WDR64: variants seen among roughly 807,000 people sequenced by gnomAD.
The protein encoded by WDR64 is WD repeat-containing protein 64.
In WDR64, 112 loss-of-function variants were observed where a neutral mutation model predicts 139.3. The observed-to-expected ratio is 0.80, with a 90% CI of 0.69 to 0.94. The LOEUF (loss-of-function observed/expected upper bound fraction) is 0.94, where lower values mean the gene tolerates loss of function less well. Among genes scored for constraint, WDR64 ranks in the 40% least tolerant of loss-of-function variants. WDR64 has a pLI of 0.00. For missense variants in WDR64, 1,206 were observed against 1,293.1 expected (o/e 0.93, Z 1.03); for synonymous variants, 444 against 437.7 (o/e 1.01, Z -0.18).
intron 3 of WDR64, 83 bp from the exon 4 acceptor site, chr1:241,674,561 C>A (rs1221424890): frequency 2.3e-6 from 2 of 858,572 alleles, no homozygotes; most frequent in Non-Finnish European, 3.6e-6. Flanking sequence ...CTGGCCATAT[C>A]ATTTTTTAAA....
chr1:241,716,650 T>TATGATGATGATG (rs10612577), intron 9 of WDR64, among the ~76,000 whole-genome samples: 1 of 151,014 alleles, frequency 6.6e-6, no homozygotes, highest in African/African-American at 2.4e-5. Context: ...TGAATCAACA[T>TATGATGATGATG]ATGATGATGA....
At chr1:241,767,772 A>G (rs887720886) in intron 16 of WDR64, among the ~76,000 whole-genome samples, 1 of 151,954 alleles carries the variant, frequency 6.6e-6, no homozygotes, top group Non-Finnish European at 1.5e-5. Context: ...TGGACTATGG[A>G]TTTCTTCTCT....
chr1:241,679,251 T>C (rs1296202253), intron 5 of WDR64, among the ~76,000 whole-genome samples: 3 of 152,166 alleles, frequency 2.0e-5, no homozygotes, highest in Non-Finnish European at 4.4e-5. Context: ...GGAGCAATCC[T>C]ATCGCTAACT....
At chr1:241,675,178 CCTTCT>C in intron 4 of WDR64, among the ~76,000 whole-genome samples, 1 of 72,480 alleles carries the variant, frequency 1.4e-5, no homozygotes, top group African/African-American at 6.9e-5. Flanking sequence ...CACCCTCCTT[CCTTCT>C]TTCCTTCCTC....
At chr1:241,684,573 A>T (rs1666936892) in intron 7 of WDR64, among the ~76,000 whole-genome samples, 2 of 152,244 alleles carry the variant, frequency 1.3e-5, no homozygotes, top group South Asian at 4.1e-4. Flanking sequence ...AAATGATTAA[A>T]AATGGGGAAG....
At chr1:241,684,295 T>C (rs1377852945) in intron 7 of WDR64, among the ~76,000 whole-genome samples, 1 of 152,128 alleles carries the variant, frequency 6.6e-6, no homozygotes, top group Admixed American at 6.5e-5. Context: ...TGAGCAAAGG[T>C]CATGAACATG....
chr1:241,779,671 C>CA (rs888867894), intron 21 of WDR64, among the ~76,000 whole-genome samples: 86 of 150,844 alleles, frequency 5.7e-4, no homozygotes, highest in East Asian at 2.9e-3. Context: ...ACTAAAAATA[C>CA]AAAAAAAAAT....
intron 8 of WDR64, 136 bp from the exon 9 acceptor site, chr1:241,711,666 C>T: frequency 1.3e-6 from 1 of 766,146 alleles, no homozygotes; most frequent in Non-Finnish European, 2.1e-6. Flanking sequence ...TTAATCATTA[C>T]TTGTAATACG....
intron 14 of WDR64, among the ~76,000 whole-genome samples, chr1:241,751,753 G>C (rs1038632471): frequency 6.6e-6 from 1 of 152,148 alleles, no homozygotes; most frequent in African/African-American, 2.4e-5. Flanking sequence ...AATATTCTGG[G>C]CATGATTTCC....
chr1:241,725,888 C>T (rs1668812965), intron 10 of WDR64, among the ~76,000 whole-genome samples: 2 of 152,226 alleles, frequency 1.3e-5, no homozygotes, highest in South Asian at 4.2e-4. Context: ...AGTACAATGG[C>T]ATGGTGCAAT....
At chr1:241,746,182 C>T (rs1200145228) in intron 13 of WDR64, among the ~76,000 whole-genome samples, 2 of 151,806 alleles carry the variant, frequency 1.3e-5, no homozygotes, top group East Asian at 3.9e-4. Flanking sequence ...ATGGGGAGAA[C>T]CTGGTGTAGG....
chr1:241,700,276 T>C (rs1032496684), intron 8 of WDR64, among the ~76,000 whole-genome samples: 1 of 151,194 alleles, frequency 6.6e-6, no homozygotes, highest in Non-Finnish European at 1.5e-5. Context: ...TTCTTGTAAG[T>C]TGTGCAAGAA....
intron 9 of WDR64, among the ~76,000 whole-genome samples, chr1:241,713,538 G>GAA (rs1668278784): frequency 6.9e-6 from 1 of 144,462 alleles, no homozygotes; most frequent in African/African-American, 2.5e-5. Flanking sequence ...AGCAAGGAAG[G>GAA]GAGGGAGGGA....
chr1:241,741,572 G>C lies in WDR64; in HGVS notation c.1378G>C (p.Val460Leu), dbSNP rs748820358. ...TAGGATGATACAAGATACAAAACAGGTTCCTCACACTCATGAACGAGAAAT... is the reference window on the plus strand; with the variant it reads ...TAGGATGATACAAGATACAAAACAGCTTCCTCACACTCATGAACGAGAAAT... ...LTRMIQDTKQ[V>L]PHTHEREINV... Residue 460 changes from valine (V) to leucine (L), a missense_variant, in exon 12 of 28, where the codon GTT becomes CTT. Coordinates refer to ENST00000437684, the MANE Select transcript of WDR64 (RefSeq NM_001367482.1). 13 of 1,613,368 alleles carry C rather than the reference G, an allele frequency of 8.1e-6. No individual in the cohort carries two copies. Among genetic ancestry groups the C allele is most frequent in the Non-Finnish European group, 1.1e-5 (13 of 1,179,770 alleles).
intron 14 of WDR64, among the ~76,000 whole-genome samples, chr1:241,752,877 C>T (rs1197617702): frequency 6.6e-6 from 1 of 152,058 alleles, no homozygotes; most frequent in Non-Finnish European, 1.5e-5. Flanking sequence ...AAAAAACAAA[C>T]CACTGTCAAT....
chr1:241,700,085 G>C (rs1256109621), intron 8 of WDR64, among the ~76,000 whole-genome samples: 1 of 151,190 alleles, frequency 6.6e-6, no homozygotes, highest in Non-Finnish European at 1.5e-5. Flanking sequence ...TAGGGACAGA[G>C]AGAGAACAGA....
intron 15 of WDR64, among the ~76,000 whole-genome samples, chr1:241,761,564 A>T (rs1395622297): frequency 6.6e-6 from 1 of 151,294 alleles, no homozygotes; most frequent in Non-Finnish European, 1.5e-5. Flanking sequence ...TTAGAAATAT[A>T]TATATATGTA....
At chr1:241,716,943 C>T (rs1033489056) in intron 9 of WDR64, among the ~76,000 whole-genome samples, 7 of 152,110 alleles carry the variant, frequency 4.6e-5, no homozygotes, top group African/African-American at 1.7e-4. Context: ...CATTCTTCTT[C>T]GTGTGATATA....
chr1:241,747,273 C>T (rs753742361), intron 13 of WDR64, among the ~76,000 whole-genome samples: 13 of 152,074 alleles, frequency 8.5e-5, no homozygotes, highest in African/African-American at 2.7e-4. Context: ...AAGAACTAAA[C>T]GCATACACAC....
Sources: allele counts gnomAD v4.1 joint callset (sites outside exome capture counted in the v4.1 genomes callset), GRCh38; gene constraint gnomAD v4.1.1; transcripts MANE v1.5; gene names NCBI Gene and HGNC (gene_info 2026-07-23, HGNC 2026-07-21).